Variants in TTC28 observed in about 807,000 individuals in gnomAD.
TTC28 encodes the protein tetratricopeptide repeat protein 28.
TTC28 carries 61 observed loss-of-function variants against 198.0 expected under a neutral mutation model. The ratio of observed to expected loss-of-function variants is 0.31; its 90% CI spans 0.25 to 0.38. TTC28 has a LOEUF of 0.38. TTC28 is among the 10% of genes least tolerant of loss of function. The probability of loss-of-function intolerance (pLI) is 1.00; values close to 1 mark genes in which losing one functional copy is unlikely to be tolerated. For missense variants in TTC28, 2,678 were observed against 3,164.0 expected (o/e 0.85, Z 3.69); for synonymous variants, 1,171 against 1,297.8 (o/e 0.90, Z 2.10).
chr22:28,096,452 C>T, intron 10 of TTC28, 44 bp from the exon 11 acceptor site: 1 of 1,544,168 alleles, frequency 6.5e-7, no homozygotes. Context: ...AGTGAGTGTG[C>T]TTACTTAGAG....
intron 5 of TTC28, among the ~76,000 whole-genome samples, chr22:28,213,698 T>C (rs1254861755): frequency 6.7e-6 from 1 of 149,634 alleles, no homozygotes; most frequent in African/African-American, 2.5e-5. Flanking sequence ...AAAATGGCCA[T>C]ACTGCTCAAG....
intron 5 of TTC28, among the ~76,000 whole-genome samples, chr22:28,294,423 TATC>T (rs1447473966): frequency 1.3e-5 from 2 of 152,214 alleles, no homozygotes; most frequent in Non-Finnish European, 2.9e-5. Context: ...ACATCTATGA[TATC>T]ATAGAGAATG....
intron 2 of TTC28, among the ~76,000 whole-genome samples, chr22:28,507,784 CA>C (rs1219450094): frequency 2.0e-5 from 3 of 152,098 alleles, no homozygotes; most frequent in African/African-American, 7.2e-5. Flanking sequence ...ATTTCCAACC[CA>C]AAATTTCATA....
At chr22:28,024,210 C>T (rs901805261) in intron 13 of TTC28, among the ~76,000 whole-genome samples, 3 of 152,118 alleles carry the variant, frequency 2.0e-5, no homozygotes, top group African/African-American at 7.2e-5. Context: ...GGCTCCCTAC[C>T]CGCAGATAAA....
chr22:28,003,847 G>T (rs1395347502), intron 14 of TTC28, among the ~76,000 whole-genome samples: 1 of 152,186 alleles, frequency 6.6e-6, no homozygotes, highest in Admixed American at 6.5e-5. Flanking sequence ...CACCAGGGGT[G>T]GGGGGCATCT....
rs755612281 is a variant in TTC28, at chr22:28,098,884, G to A, written c.3547+31C>T. The A allele has an allele frequency of 9.7e-6, 15 of 1,550,226 alleles. No homozygotes were observed. In the East Asian group the frequency reaches 1.5e-4, roughly 15 times the overall value. On this transcript the variant is annotated intron_variant, in intron 10 of 22. Transcript: ENST00000397906. ...CGCACCCGTGCGCACTAGTGCACACGTAAGCAAGGAGTAACCCCAGCTGTT... is the reference window on the plus strand; with the variant it reads ...CGCACCCGTGCGCACTAGTGCACACATAAGCAAGGAGTAACCCCAGCTGTT...
At chr22:27,999,352 T>A (rs1937613677) in intron 15 of TTC28, 92 bp from the exon 16 acceptor site, 3 of 1,450,210 alleles carry the variant, frequency 2.1e-6, no homozygotes, top group Non-Finnish European at 2.7e-6. Context: ...CGGCCAGCTC[T>A]CTGCTGGTTG....
intron 2 of TTC28, among the ~76,000 whole-genome samples, chr22:28,455,440 G>A (rs1211610285): frequency 6.6e-6 from 1 of 152,126 alleles, no homozygotes; most frequent in East Asian, 1.9e-4. Flanking sequence ...ATGGCCAGGT[G>A]TGGTGGCTCA....
chr22:28,416,354 A>C (rs927003289), intron 2 of TTC28, among the ~76,000 whole-genome samples: 2 of 152,198 alleles, frequency 1.3e-5, no homozygotes, highest in African/African-American at 4.8e-5. Context: ...ACCCACACAC[A>C]ATTTCCTACA....
At chr22:28,338,719 T>C (rs993897591) in intron 2 of TTC28, among the ~76,000 whole-genome samples, 1 of 152,192 alleles carries the variant, frequency 6.6e-6, no homozygotes, top group African/African-American at 2.4e-5. Context: ...TCTGCATTGG[T>C]TATTCTAGTT....
At chr22:28,506,755 C>T (rs980322414) in intron 2 of TTC28, among the ~76,000 whole-genome samples, 1 of 152,210 alleles carries the variant, frequency 6.6e-6, no homozygotes, top group African/African-American at 2.4e-5. Flanking sequence ...GTGATACCTC[C>T]AGGCATGGGA....
At chr22:28,581,635 A>G (rs953204308) in intron 2 of TTC28, among the ~76,000 whole-genome samples, 4 of 152,240 alleles carry the variant, frequency 2.6e-5, no homozygotes, top group Admixed American at 6.5e-5. Flanking sequence ...AACAATTTTT[A>G]TCTACAGATA....
intron 2 of TTC28, among the ~76,000 whole-genome samples, chr22:28,532,163 G>C (rs949011515): frequency 6.6e-6 from 1 of 152,010 alleles, no homozygotes; most frequent in East Asian, 1.9e-4. Flanking sequence ...CCACTAGCAA[G>C]ACTAATAGAG....
chr22:28,280,787 T>A (rs1421536806), intron 5 of TTC28, among the ~76,000 whole-genome samples: 1 of 152,234 alleles, frequency 6.6e-6, no homozygotes, highest in East Asian at 1.9e-4. Flanking sequence ...GGTCTGTTGA[T>A]AATTTTCTTG....
intron 12 of TTC28, among the ~76,000 whole-genome samples, chr22:28,047,996 A>G (rs1381568534): frequency 6.6e-6 from 1 of 151,134 alleles, no homozygotes; most frequent in East Asian, 1.9e-4. Flanking sequence ...GCTCCTTTCC[A>G]CTCCTCAAAA....
At chr22:28,538,326 G>C (rs911868962) in intron 2 of TTC28, among the ~76,000 whole-genome samples, 12 of 152,048 alleles carry the variant, frequency 7.9e-5, no homozygotes, top group Non-Finnish European at 1.5e-4. Context: ...TGACTCAAGT[G>C]GTCCTACCAT....
At chr22:28,254,817 A>G (rs1010733023) in intron 5 of TTC28, among the ~76,000 whole-genome samples, 1 of 152,152 alleles carries the variant, frequency 6.6e-6, no homozygotes, top group Admixed American at 6.5e-5. Flanking sequence ...GAAGGCAAAG[A>G]ATCAGAACTG....
chr22:28,287,032 C>T (rs1409524890), intron 5 of TTC28, among the ~76,000 whole-genome samples: 1 of 152,122 alleles, frequency 6.6e-6, no homozygotes, highest in Admixed American at 6.5e-5. Flanking sequence ...AATTCTAAGA[C>T]ATACATATAT....
intron 6 of TTC28, among the ~76,000 whole-genome samples, chr22:28,128,424 C>T (rs78439447): frequency 1.4e-3 from 214 of 152,332 alleles, no homozygotes; most frequent in African/African-American, 5.0e-3. Flanking sequence ...CTGTGAACCT[C>T]AGTTTGCTCA....
Sources: gnomAD v4.1 joint callset for allele counts (sites outside exome capture counted in the v4.1 genomes callset) on GRCh38, gnomAD v4.1.1 for gene constraint, MANE v1.5 for transcripts, NCBI Gene and HGNC (gene_info 2026-07-23, HGNC 2026-07-21) for gene names.